The following GLP1R variants were observed in gnomAD, a reference collection of about 807,000 sequenced individuals.
The protein encoded by GLP1R is glucagon-like peptide 1 receptor.
Under a neutral mutation model 68.4 loss-of-function variants are expected in GLP1R, and 32 were observed. The observed-to-expected ratio is 0.47, with a 90% CI of 0.35 to 0.63. The LOEUF (loss-of-function observed/expected upper bound fraction) is 0.63, where lower values mean the gene tolerates loss of function less well. GLP1R is among the 20% of genes least tolerant of loss of function. The pLI is 0.00. For missense variants in GLP1R, 502 were observed against 594.9 expected (o/e 0.84, Z 1.62); for synonymous variants, 263 against 244.4 (o/e 1.08, Z -0.71).
intron 12 of GLP1R, 43 bp from the exon 13 acceptor site, chr6:39,085,863 G>A (rs199678002): frequency 5.6e-6 from 9 of 1,594,690 alleles, no homozygotes; most frequent in Non-Finnish European, 7.7e-6. Flanking sequence ...GTTAGCCATT[G>A]GTTTGCATGA....
chr6:39,076,319 C>G (rs1323455499), intron 7 of GLP1R, among the ~76,000 whole-genome samples: 1 of 152,160 alleles, frequency 6.6e-6, no homozygotes, highest in Non-Finnish European at 1.5e-5. Context: ...AGGGCCTGTA[C>G]CATGTGCTGG....
chr6:39,064,635 G>A (rs1719354651), intron 3 of GLP1R, among the ~76,000 whole-genome samples: 1 of 152,080 alleles, frequency 6.6e-6, no homozygotes. Context: ...ATTTCCTCCT[G>A]GACACAAGTA....
intron 11 of GLP1R, among the ~76,000 whole-genome samples, chr6:39,080,387 A>AAGC (rs1768969033): frequency 6.6e-6 from 1 of 152,164 alleles, no homozygotes; most frequent in South Asian, 2.1e-4. Flanking sequence ...GAGAGGTTGG[A>AAGC]TGTAGGATCT....
intron 12 of GLP1R, among the ~76,000 whole-genome samples, chr6:39,083,881 C>G: frequency 6.6e-6 from 1 of 152,148 alleles, no homozygotes; most frequent in South Asian, 2.1e-4. Context: ...ATTTTCATAG[C>G]TGAGGAACAG....
chr6:39,050,434 A>G (rs1333268284), intron 1 of GLP1R, among the ~76,000 whole-genome samples: 1 of 152,164 alleles, frequency 6.6e-6, no homozygotes, highest in African/African-American at 2.4e-5. Context: ...GTCTTCCCAG[A>G]GGCCTTATTC....
intron 1 of GLP1R, among the ~76,000 whole-genome samples, chr6:39,054,624 C>A (rs1001156326): frequency 6.6e-6 from 1 of 152,202 alleles, no homozygotes; most frequent in African/African-American, 2.4e-5. Context: ...AACCCCTCCC[C>A]CCGCCTCTGG....
intron 5 of GLP1R, 80 bp from the exon 6 acceptor site, chr6:39,072,782 T>C: frequency 8.2e-7 from 1 of 1,217,584 alleles, no homozygotes; most frequent in Admixed American, 1.8e-5. Flanking sequence ...GCCTAATGTG[T>C]GTGTTAGCTT....
chr6:39,051,621 G>A (rs1051202956), intron 1 of GLP1R, among the ~76,000 whole-genome samples: 7 of 152,158 alleles, frequency 4.6e-5, no homozygotes, highest in Non-Finnish European at 1.0e-4. Flanking sequence ...CTGCCCCTAG[G>A]AAAATTCCTA....
At chr6:39,056,777 C>A (rs990278862) in intron 2 of GLP1R, among the ~76,000 whole-genome samples, 1 of 152,206 alleles carries the variant, frequency 6.6e-6, no homozygotes, top group African/African-American at 2.4e-5. Context: ...TTGCTGTAGT[C>A]TGCTTTGGGG....
intron 12 of GLP1R, among the ~76,000 whole-genome samples, chr6:39,082,023 A>G (rs1769022486): frequency 6.6e-6 from 1 of 152,222 alleles, no homozygotes; most frequent in African/African-American, 2.4e-5. Context: ...CTCAGTAAGC[A>G]ATCACTATTA....
Position 39,048,799 on chromosome 6 carries a change from T to C in GLP1R, c.-42T>C, listed in dbSNP as rs1460434356. 2.1e-6 allele frequency: 2 copies of C among 957,018 alleles called. No homozygotes were observed. The highest frequency in any genetic ancestry group is 3.1e-6 in the Non-Finnish European group (2 of 635,324). The allele number at this position is 957,018 out of a possible 1,614,324, so 59.3% of individuals were successfully genotyped here. A position where few individuals can be genotyped will look rare whatever the true frequency, so the allele number is the denominator to read the frequency against. On this transcript the variant is annotated 5_prime_UTR_variant, in exon 1 of 13. Coordinates refer to ENST00000373256, the MANE Select transcript of GLP1R (RefSeq NM_002062.5). Reference sequence around the variant, plus strand: ...GCCCGGGATCAGTCTCCGCACGCGGTTCCGCAGGTGGCAGCGATGGCCCAG... The same window carrying C: ...GCCCGGGATCAGTCTCCGCACGCGGCTCCGCAGGTGGCAGCGATGGCCCAG...
At chr6:39,077,209 T>C (rs1374496863) in intron 7 of GLP1R, among the ~76,000 whole-genome samples, 1 of 152,202 alleles carries the variant, frequency 6.6e-6, no homozygotes, top group Non-Finnish European at 1.5e-5. Context: ...CTGAATCACA[T>C]ACACATATAG....
In GLP1R at chr6:39,073,789, AC is replaced by A; in HGVS notation, c.823+23del. 1 of 1,610,798 alleles carries A rather than the reference AC, an allele frequency of 6.2e-7. No homozygotes were observed. The highest frequency in any genetic ancestry group is 1.1e-5 in the South Asian group (1 of 90,908). On this transcript the variant is annotated intron_variant, in intron 7 of 12. Transcript: ENST00000373256. Reference sequence around the variant, plus strand: ...GCTGGGGTAAGAACCGCCATCACCCACCCTGGACCTGTGGCACGGGGGTGGG... The same window carrying A: ...GCTGGGGTAAGAACCGCCATCACCCACCTGGACCTGTGGCACGGGGGTGGG...
intron 5 of GLP1R, among the ~76,000 whole-genome samples, chr6:39,071,988 A>G (rs921756859): frequency 6.6e-6 from 1 of 152,188 alleles, no homozygotes; most frequent in Non-Finnish European, 1.5e-5. Flanking sequence ...CTTCTGTTAG[A>G]CTCATTTCAA....
rs371798329 is a variant in GLP1R at position 39,080,547 on chromosome 6, G to T, written c.1183-151G>T. 4 of 569,008 alleles carry T rather than the reference G, an allele frequency of 7.0e-6. No individual in the cohort carries two copies. The South Asian group carries it at 9.9e-5, about 14-fold the overall frequency. 35.2% of individuals were successfully genotyped at this position (569,008 alleles called of 1,614,324 possible). ...GTTCCTTCAGAAAGGAAATGAGAGG[G>T]AAGCCACTGCCCCATTCCTGGATCT... On this transcript the variant is annotated intron_variant, in intron 11 of 12. Transcript: ENST00000373256.
rs1206398494 is a variant in GLP1R, at chr6:39,049,293, T to C, written c.78+375T>C. Among the ~76,000 whole-genome samples the C allele has an allele frequency of 6.6e-6, 1 of 152,070 alleles. No individual in the cohort carries two copies. Among genetic ancestry groups the C allele is most frequent in the Non-Finnish European group, 1.5e-5 (1 of 67,984 alleles). On this transcript the variant is annotated intron_variant, in intron 1 of 12. Coordinates refer to ENST00000373256, the MANE Select transcript of GLP1R (RefSeq NM_002062.5). This position sits in a 1 kb window ranked among gnomAD's most constrained non-coding sequence, Gnocchi z 4.5. Reference sequence around the variant, plus strand: ...TCAGCGGCCCTGGCACAGCCCGGCATCCTCCCGGACTCCCTCTGCCCCACA... The same window carrying C: ...TCAGCGGCCCTGGCACAGCCCGGCACCCTCCCGGACTCCCTCTGCCCCACA...
chr6:39,089,608 A>ATGTGGGCGTGTGTGTGTGTATG lies in GLP1R; in HGVS notation c.*3540_*3561dup, dbSNP rs1217314688. Among the ~76,000 whole-genome samples, 14 of 152,106 alleles carry ATGTGGGCGTGTGTGTGTGTATG rather than the reference A, an allele frequency of 9.2e-5. No homozygotes were observed. The highest frequency in any genetic ancestry group is 7.2e-4 in the Admixed American group (11 of 15,264). On this transcript the variant is annotated 3_prime_UTR_variant, in exon 13 of 13. Transcript: ENST00000373256. The surrounding 1 kb of genome is among the most constrained non-coding windows in gnomAD (Gnocchi z 4.1). The stretch of plus-strand genomic sequence containing the variant: ...TTCTTCCGCAAGGAAAGAACATTGC[A>ATGTGGGCGTGTGTGTGTGTATG]TGTGGGCGTGTGTGTGTGTATGTGT...
At position 39,058,671 on chromosome 6, in the gene GLP1R, C is replaced by T. The variant is rs76441827; in HGVS notation, c.283+1092C>T. On this transcript the variant is annotated intron_variant, in intron 3 of 12. Transcript: ENST00000373256. ...ATCATCATCATCATCATCATCATCA[C>T]CATCACCATCATCATCGTCATCATA... Among the ~76,000 whole-genome samples, 133 of 50,870 alleles carry T rather than the reference C, an allele frequency of 2.6e-3. 1 individual carries two copies. The highest frequency in any genetic ancestry group is 0.016 in the South Asian group (21 of 1,332). 33.4% of individuals were successfully genotyped at this position (50,870 alleles called of 152,430 possible).
chr6:39,057,106 C>T (rs949152096), intron 2 of GLP1R, among the ~76,000 whole-genome samples: 1 of 152,194 alleles, frequency 6.6e-6, no homozygotes, highest in Non-Finnish European at 1.5e-5. Flanking sequence ...CTAACATTTC[C>T]CTCTAATCTG....
Sources: allele counts gnomAD v4.1 joint callset (sites outside exome capture counted in the v4.1 genomes callset), GRCh38; gene constraint gnomAD v4.1.1; non-coding constraint Gnocchi (gnomAD v3.1); transcripts MANE v1.5; gene names NCBI Gene and HGNC (gene_info 2026-07-23, HGNC 2026-07-21).